COMMD10: variants seen among roughly 807,000 people sequenced by gnomAD.
The protein encoded by COMMD10 is COMM domain-containing protein 10.
Under a neutral mutation model 28.9 loss-of-function variants are expected in COMMD10, and 33 were observed. That is an observed-to-expected ratio of 1.14 (90% CI 0.87 to 1.53). The LOEUF is 1.53. Ranked by LOEUF, COMMD10 falls within the 40% of genes most tolerant of loss-of-function variation. COMMD10 has a pLI of 0.00. For missense variants in COMMD10, 310 were observed against 233.4 expected, an observed-to-expected ratio of 1.33 and a Z score of -2.14; for synonymous variants, 110 against 81.7, an observed-to-expected ratio of 1.35 and a Z score of -1.87.
At chr5:116,217,446 T>C (rs1232221576) in intron 5 of COMMD10, among the ~76,000 whole-genome samples, 1 of 152,188 alleles carries the variant, frequency 6.6e-6, no homozygotes, top group Non-Finnish European at 1.5e-5. Context: ...GCATGTTGTT[T>C]AACAACTTTT....
At chr5:116,158,716 T>TCCTATTAC (rs1752820990) in intron 5 of COMMD10, among the ~76,000 whole-genome samples, 1 of 152,080 alleles carries the variant, frequency 6.6e-6, no homozygotes, top group Admixed American at 6.6e-5. Context: ...TGTGAAAGTC[T>TCCTATTAC]CCTATTACTG....
At chr5:116,259,133 G>C (rs557615111) in intron 5 of COMMD10, among the ~76,000 whole-genome samples, 2 of 147,184 alleles carry the variant, frequency 1.4e-5, no homozygotes, top group East Asian at 4.0e-4. Context: ...TGCAATCTTG[G>C]CTCACTGCAA....
At chr5:116,126,142 A>G (rs1751629585) in intron 4 of COMMD10, among the ~76,000 whole-genome samples, 1 of 145,836 alleles carries the variant, frequency 6.9e-6, no homozygotes, top group South Asian at 2.1e-4. Flanking sequence ...TAACAAACAG[A>G]GATCCAAATG....
chr5:116,254,994 C>CAT (rs1750239556), intron 5 of COMMD10, among the ~76,000 whole-genome samples: 1 of 151,490 alleles, frequency 6.6e-6, no homozygotes, highest in Non-Finnish European at 1.5e-5. Flanking sequence ...GTATTGGGTG[C>CAT]ATATATATTT....
At chr5:116,163,152 T>C (rs1307596277) in intron 5 of COMMD10, among the ~76,000 whole-genome samples, 2 of 138,760 alleles carry the variant, frequency 1.4e-5, no homozygotes, top group Admixed American at 1.4e-4. Context: ...GCATTAGATA[T>C]ATACAAATAA....
chr5:116,092,847 A>T, intron 4 of COMMD10, 147 bp downstream of exon 4: 5 of 497,826 alleles, frequency 1.0e-5, no homozygotes. Context: ...CAATGGCCTT[A>T]CATCCTGATA....
At chr5:116,162,771 CAT>C (rs1457914240) in intron 5 of COMMD10, among the ~76,000 whole-genome samples, 1 of 152,162 alleles carries the variant, frequency 6.6e-6, no homozygotes, top group Non-Finnish European at 1.5e-5. Context: ...GTTTTAGAGA[CAT>C]AGTGGTAAAT....
At chr5:116,175,145 A>G (rs1390081744) in intron 5 of COMMD10, among the ~76,000 whole-genome samples, 2 of 151,966 alleles carry the variant, frequency 1.3e-5, no homozygotes, top group Non-Finnish European at 2.9e-5. Flanking sequence ...ATTACTTTCT[A>G]TCTCCTTACC....
chr5:116,087,668 A>C (rs1419861111), intron 2 of COMMD10, 81 bp downstream of exon 2: 2 of 938,096 alleles, frequency 2.1e-6, no homozygotes, highest in African/African-American at 3.2e-5. Flanking sequence ...AACTTTTTGC[A>C]AAGCATAGTG....
chr5:116,233,895 C>T (rs1749592255), intron 5 of COMMD10, among the ~76,000 whole-genome samples: 1 of 152,078 alleles, frequency 6.6e-6, no homozygotes, highest in African/African-American at 2.4e-5. Context: ...GAGGAATTTG[C>T]ATAGAAAATC....
chr5:116,111,767 T>G (rs1267997146), intron 4 of COMMD10, among the ~76,000 whole-genome samples: 4 of 152,212 alleles, frequency 2.6e-5, no homozygotes, highest in Non-Finnish European at 4.4e-5. Context: ...GATAGAATGT[T>G]CTATAAATGT....
At chr5:116,271,514 T>C (rs1473082702) in intron 5 of COMMD10, among the ~76,000 whole-genome samples, 1 of 151,624 alleles carries the variant, frequency 6.6e-6, no homozygotes, top group Non-Finnish European at 1.5e-5. Context: ...CCTCCATGAA[T>C]TGGGTTAACA....
chr5:116,204,558 CTA>C (rs1218166456), intron 5 of COMMD10, among the ~76,000 whole-genome samples: 1 of 151,924 alleles, frequency 6.6e-6, no homozygotes, highest in East Asian at 1.9e-4. Context: ...TCTTTTTCCT[CTA>C]TGTTACAGGC....
intron 5 of COMMD10, among the ~76,000 whole-genome samples, chr5:116,187,501 A>T (rs901241002): frequency 6.6e-6 from 1 of 152,120 alleles, no homozygotes; most frequent in Non-Finnish European, 1.5e-5. Context: ...ATGTAAAAAA[A>T]AATTCAGCAA....
intron 4 of COMMD10, among the ~76,000 whole-genome samples, chr5:116,118,293 T>C (rs370028267): frequency 1.3e-5 from 2 of 152,222 alleles, no homozygotes; most frequent in African/African-American, 2.4e-5. Context: ...ATTTTACTTA[T>C]TTACTTTTTT....
intron 5 of COMMD10, among the ~76,000 whole-genome samples, chr5:116,168,459 A>C (rs1753206170): frequency 6.6e-6 from 1 of 152,174 alleles, no homozygotes; most frequent in South Asian, 2.1e-4. Flanking sequence ...TTAGGACTTG[A>C]ACTCAGCGCT....
At chr5:116,251,110 C>G (rs888069656) in intron 5 of COMMD10, among the ~76,000 whole-genome samples, 3 of 151,922 alleles carry the variant, frequency 2.0e-5, no homozygotes, top group African/African-American at 7.2e-5. Flanking sequence ...AAGATAGGTG[C>G]AACCTGTTTT....
intron 4 of COMMD10, among the ~76,000 whole-genome samples, chr5:116,100,518 C>CT (rs768113794): frequency 0.013 from 1,749 of 132,768 alleles, 45 homozygotes; most frequent in Admixed American, 0.069. Context: ...GGTCCAGTTC[C>CT]TTTTTTTTTT....
chr5:116,115,958 A>G (rs1346507650), intron 4 of COMMD10, among the ~76,000 whole-genome samples: 3 of 152,192 alleles, frequency 2.0e-5, no homozygotes, highest in South Asian at 4.1e-4. Context: ...TTTAAAATAT[A>G]AATTCAACAG....
Sources: allele counts gnomAD v4.1 joint callset (sites outside exome capture counted in the v4.1 genomes callset), GRCh38; gene constraint gnomAD v4.1.1; transcripts MANE v1.5; gene names NCBI Gene and HGNC (gene_info 2026-07-23, HGNC 2026-07-21).